Variants in ADAM19 observed in about 807,000 individuals in gnomAD.
The protein encoded by ADAM19 is disintegrin and metalloproteinase domain-containing protein 19.
ADAM19 carries 65 observed loss-of-function variants against 114.7 expected under a neutral mutation model. The ratio of observed to expected loss-of-function variants is 0.57; its 90% CI spans 0.46 to 0.70. The LOEUF (loss-of-function observed/expected upper bound fraction) is 0.70. Ranked by LOEUF, ADAM19 falls within the 30% of genes least tolerant of loss-of-function variation. The pLI is 0.00. For synonymous variants in ADAM19, 466 were observed against 460.5 expected (o/e 1.01, Z -0.15); for missense variants, 1,063 against 1,204.7 (o/e 0.88, Z 1.74).
chr5:157,513,630 G>T, intron 7 of ADAM19, 125 bp from the exon 8 acceptor site: 1 of 831,630 alleles, frequency 1.2e-6, no homozygotes. Flanking sequence ...TCATTTTTAT[G>T]CAATTGTCTT....
At chr5:157,515,371 A>G (rs560996148) in intron 7 of ADAM19, among the ~76,000 whole-genome samples, 36 of 152,360 alleles carry the variant, frequency 2.4e-4, no homozygotes, top group African/African-American at 8.4e-4. Flanking sequence ...GAACTGCCCA[A>G]TGAGACCACC....
At chr5:157,493,638 C>A (rs917584332) in intron 15 of ADAM19, among the ~76,000 whole-genome samples, 50 of 152,136 alleles carry the variant, frequency 3.3e-4, no homozygotes, top group African/African-American at 1.2e-3. Context: ...GCCCCACCCC[C>A]CTTACCTGGT....
rs144573409 is a variant in ADAM19, at chr5:157,572,120, T to C, written c.95-1140A>G. 1.7e-3 allele frequency: 355 copies of C among 204,248 alleles called. 3 individuals carry two copies. Among genetic ancestry groups the C allele is most frequent in the African/African-American group, 7.9e-3 (340 of 43,298 alleles). The allele number at this position is 204,248 out of a possible 1,614,324, so 12.7% of individuals were successfully genotyped here. A position where few individuals can be genotyped will look rare whatever the true frequency, so the allele number is the denominator to read the frequency against. ...TTTTCTTTTGAGACGGAGTCTCGCTTTGTCGCCCAGGCTGGAGTGCAGTGG... is the reference window on the plus strand; with the variant it reads ...TTTTCTTTTGAGACGGAGTCTCGCTCTGTCGCCCAGGCTGGAGTGCAGTGG... On this transcript the variant is annotated intron_variant, in intron 1 of 22. Coordinates refer to ENST00000257527, the MANE Select transcript of ADAM19 (RefSeq NM_033274.5).
At chr5:157,524,695 C>G (rs1356786613) in intron 5 of ADAM19, among the ~76,000 whole-genome samples, 2 of 152,194 alleles carry the variant, frequency 1.3e-5, no homozygotes, top group Non-Finnish European at 2.9e-5. Flanking sequence ...AGGTCATGTA[C>G]TTTCTCAAGG....
chr5:157,531,525 G>A (rs1215296144), intron 4 of ADAM19, among the ~76,000 whole-genome samples: 1 of 152,088 alleles, frequency 6.6e-6, no homozygotes, highest in Non-Finnish European at 1.5e-5. Flanking sequence ...AAATCAGCCG[G>A]ATGTGGTGGT....
intron 14 of ADAM19, among the ~76,000 whole-genome samples, chr5:157,495,931 G>GT (rs1561528921): frequency 5.1e-5 from 6 of 118,790 alleles, no homozygotes; most frequent in African/African-American, 1.6e-4. Context: ...ACTGTGCCCA[G>GT]TCTTTTTTTT....
At chr5:157,575,531 C>G (rs2113807636) in intron 1 of ADAM19, 72 bp downstream of exon 1, 1 of 1,209,646 alleles carries the variant, frequency 8.3e-7, no homozygotes, top group East Asian at 3.2e-5. Context: ...GGTCCCAGCG[C>G]TCCGGACCCG....
chr5:157,547,413 C>T (rs1208204804), intron 3 of ADAM19, among the ~76,000 whole-genome samples: 7 of 152,160 alleles, frequency 4.6e-5, no homozygotes, highest in Admixed American at 4.6e-4. Context: ...CATGAGGGCT[C>T]CACCATAATG....
rs1019255298 is a variant in ADAM19, at chr5:157,480,213, CAG to C, written c.*734_*735del. 26 of 985,992 alleles carry C rather than the reference CAG, an allele frequency of 2.6e-5. No individual in the cohort carries two copies. Among genetic ancestry groups the C allele is most frequent in the Non-Finnish European group, 3.0e-5 (25 of 830,070 alleles). 61.1% of individuals were successfully genotyped at this position (985,992 alleles called of 1,614,324 possible). A position where few individuals can be genotyped will look rare whatever the true frequency, so the allele number is the denominator to read the frequency against. On this transcript the variant is annotated 3_prime_UTR_variant, in exon 23 of 23. Coordinates refer to ENST00000257527, the MANE Select transcript of ADAM19 (RefSeq NM_033274.5). ...AAACAAAGAGCAACTAAAAATTATC[CAG>C]AGTCAGGAGTCGCAACCTTTGGCAT...
At chr5:157,518,181 G>C (rs932253475) in intron 7 of ADAM19, among the ~76,000 whole-genome samples, 1 of 152,102 alleles carries the variant, frequency 6.6e-6, no homozygotes, top group African/African-American at 2.4e-5. Context: ...GACAATTCCG[G>C]GTTCCTCAGA....
At position 157,564,353 on chromosome 5, in the gene ADAM19, C is replaced by T. The variant is rs751878519; in HGVS notation, c.251+20G>A. 11 of 1,611,696 alleles carry T rather than the reference C, an allele frequency of 6.8e-6. No individual in the cohort carries two copies. The East Asian group carries it at 2.2e-4, about 33-fold the overall frequency. ...CAGAAGTTATTTGTTTCATTTTAGACAAAGGAGGAGTCCACTTACTCATTC... is the reference window on the plus strand; with the variant it reads ...CAGAAGTTATTTGTTTCATTTTAGATAAAGGAGGAGTCCACTTACTCATTC... On this transcript the variant is annotated intron_variant, in intron 3 of 22. Coordinates refer to ENST00000257527, the MANE Select transcript of ADAM19 (RefSeq NM_033274.5).
In ADAM19 at chr5:157,491,715, G is replaced by C; in HGVS notation, c.1995C>G (p.Asn665Lys). The change falls in exon 18 of 23, where the codon AAC becomes AAG. Residue 665 changes from asparagine to lysine, a missense_variant. By Grantham distance (94) the Asn-to-Lys change is moderately conservative (BLOSUM62 0). This residue lies in a region of ADAM19 where 424 missense variants were observed against 445.5 expected (regional missense o/e 0.95). Coordinates refer to ENST00000257527, the MANE Select transcript of ADAM19 (RefSeq NM_033274.5). ...GKKCNGHGVC[N>K]NNQNCHCLPG... is the part of the protein sequence containing the mutation. ...GCAGGCAGTGGCAGTTCTGGTTGTT[G>C]TTACAGACCTGGAGCAAAGAAAGGG... The C allele has an allele frequency of 6.3e-7, 1 of 1,593,478 alleles. No individual in the cohort carries two copies. Among genetic ancestry groups the C allele is most frequent in the Non-Finnish European group, 8.6e-7 (1 of 1,168,270 alleles).
rs777243969 is a variant in ADAM19 at position 157,479,123 on chromosome 5, C to T, written c.*1826G>A. 44 of 985,872 alleles carry T rather than the reference C, an allele frequency of 4.5e-5. No homozygotes were observed. The highest frequency in any genetic ancestry group is 5.2e-5 in the Non-Finnish European group (43 of 830,004). 61.1% of individuals were successfully genotyped at this position (985,872 alleles called of 1,614,324 possible). A position where few individuals can be genotyped will look rare whatever the true frequency, so the allele number is the denominator to read the frequency against. ...GGATCTCCACAGCAAGGATGACCCA[C>T]AGCAAGGATGACCCACGGCAAGGAC... is the stretch of plus-strand genomic sequence containing the variant. On this transcript the variant is annotated 3_prime_UTR_variant, in exon 23 of 23. Transcript: ENST00000257527.
chr5:157,490,352 A>G lies in ADAM19; in HGVS notation c.2198T>C (p.Leu733Pro), dbSNP rs745963126. ...CCRQNNKLGQ[L>P]KPSALPSKLR... is the part of the protein sequence containing the mutation. Reference sequence around the variant, plus strand: ...CTTGGAAGGGAGAGCTGAGGGCTTGAGTTGGCCTAGTTTGTTGTTCTGTCT... The same window carrying G: ...CTTGGAAGGGAGAGCTGAGGGCTTGGGTTGGCCTAGTTTGTTGTTCTGTCT... Residue 733 changes from leucine to proline, a missense_variant, in exon 19 of 23, where the codon CTC becomes CCC. By Grantham distance (98) the Leu-to-Pro change is moderately conservative (BLOSUM62 -3). Coordinates refer to ENST00000257527, the MANE Select transcript of ADAM19 (RefSeq NM_033274.5). The G allele has an allele frequency of 1.2e-6, 2 of 1,614,104 alleles. No homozygotes were observed. The highest frequency in any genetic ancestry group is 1.3e-5 in the African/African-American group (1 of 75,024).
intron 3 of ADAM19, among the ~76,000 whole-genome samples, chr5:157,548,306 T>A (rs978504983): frequency 2.6e-5 from 4 of 152,210 alleles, no homozygotes; most frequent in African/African-American, 9.7e-5. Flanking sequence ...CTCTACTACG[T>A]TCTAAGCCCC....
Position 157,518,712 on chromosome 5 carries a change from G to C in ADAM19, c.666+111C>G, listed in dbSNP as rs533559918. 3 of 953,352 alleles carry C rather than the reference G, an allele frequency of 3.1e-6. No homozygotes were observed. In the African/African-American group the frequency reaches 4.9e-5, roughly 16 times the overall value. The allele number at this position is 953,352 out of a possible 1,614,324, so 59.1% of individuals were successfully genotyped here. On this transcript the variant is annotated intron_variant, in intron 7 of 22. Transcript: ENST00000257527. ...GGTGAGATTTAAGGTCAAAATCATA[G>C]ATGAACTGGAGAAAGATGAATGGGC...
intron 12 of ADAM19, 72 bp from the exon 13 acceptor site, chr5:157,499,734 C>A: frequency 9.5e-7 from 1 of 1,057,070 alleles, no homozygotes; most frequent in Non-Finnish European, 1.4e-6. Context: ...CCACCCTTGC[C>A]CACACACCCC....
Position 157,477,705 on chromosome 5 carries a change from C to G in ADAM19, c.*3244G>C. ...AATTACTGACTTTGGAACTGGTCCC[C>G]AGTTTTCAAATTGCAAGTCTTCCAT... On this transcript the variant is annotated 3_prime_UTR_variant, in exon 23 of 23. Transcript: ENST00000257527. 7.8e-7 allele frequency: 1 copy of G among 1,289,776 alleles called. No homozygotes were observed. Among genetic ancestry groups the G allele is most frequent in the Non-Finnish European group, 1.0e-6 (1 of 988,856 alleles). The allele number at this position is 1,289,776 out of a possible 1,614,324, so 79.9% of individuals were successfully genotyped here.
intron 3 of ADAM19, among the ~76,000 whole-genome samples, chr5:157,563,582 T>C (rs1167282539): frequency 1.3e-5 from 2 of 152,174 alleles, no homozygotes; most frequent in African/African-American, 2.4e-5. Flanking sequence ...CGCAGCCTTA[T>C]CTGCGACGTC....
Sources: allele counts gnomAD v4.1 joint callset (sites outside exome capture counted in the v4.1 genomes callset), GRCh38; gene constraint gnomAD v4.1.1; regional missense constraint gnomAD v4.1.1; transcripts MANE v1.5; gene names NCBI Gene and HGNC (gene_info 2026-07-23, HGNC 2026-07-21).